The following PPP2R2D variants were observed in gnomAD, a reference collection of about 807,000 sequenced individuals.
PPP2R2D encodes the protein serine/threonine-protein phosphatase 2A 55 kDa regulatory subunit B delta isoform.
Under a neutral mutation model 31.1 loss-of-function variants are expected in PPP2R2D, and 9 were observed. The observed-to-expected ratio is 0.29, with a 90% confidence interval of 0.17 to 0.51. PPP2R2D has a LOEUF of 0.51. PPP2R2D is among the 20% of genes least tolerant of loss of function. The pLI, the probability that PPP2R2D is intolerant of heterozygous loss-of-function variation, is 0.98. For missense variants in PPP2R2D, 391 were observed against 465.6 expected (o/e 0.84, Z 1.48); for synonymous variants, 179 against 172.6 (o/e 1.04, Z -0.29).
At chr10:131,927,286 C>T (rs376277632) in intron 2 of PPP2R2D, among the ~76,000 whole-genome samples, 10 of 152,078 alleles carry the variant, frequency 6.6e-5, no homozygotes, top group East Asian at 3.9e-4. Flanking sequence ...ACTCTCCCCC[C>T]GGGGAGTGGG....
chr10:131,947,837 TC>T lies in PPP2R2D; in HGVS notation c.1082+48del, dbSNP rs781895222. The T allele has an allele frequency of 1.3e-6, 2 of 1,596,526 alleles. No homozygotes were observed. The highest frequency in any genetic ancestry group is 1.7e-6 in the Non-Finnish European group (2 of 1,167,844). On this transcript the variant is annotated intron_variant, in intron 8 of 8. Transcript: ENST00000455566. The surrounding 1 kb of genome is among the most constrained non-coding windows in gnomAD (Gnocchi z 4.3). ...AGCTGTCGCCCCAAGCTTGCTGGTT[TC>T]CGAGAGTGCAAGGTCAGTGAGGGAG...
intron 8 of PPP2R2D, among the ~76,000 whole-genome samples, chr10:131,948,631 G>A (rs1180632984): frequency 2.0e-5 from 3 of 152,244 alleles, no homozygotes; most frequent in African/African-American, 2.4e-5. Context: ...CTCTGAAGGC[G>A]TCTATTCCGA....
chr10:131,927,680 G>A (rs931270358), intron 2 of PPP2R2D, among the ~76,000 whole-genome samples: 13 of 152,124 alleles, frequency 8.5e-5, no homozygotes, highest in Non-Finnish European at 1.6e-4. Flanking sequence ...AGCTGGCATC[G>A]CACATCGGAC....
chr10:131,964,035 G>T (rs1206184475), downstream of PPP2R2D, among the ~76,000 whole-genome samples: 4 of 152,220 alleles, frequency 2.6e-5, no homozygotes, highest in African/African-American at 9.6e-5. Context: ...CACTTGGGAA[G>T]TGTGGGCAGG....
chr10:131,971,258 C>T, the PPP2R2D span: 2 of 430,016 alleles, frequency 4.7e-6, no homozygotes, highest in Admixed American at 3.8e-5. Context: ...TCTGGGGGTA[C>T]TGACAGCGGC....
intron 2 of PPP2R2D, among the ~76,000 whole-genome samples, chr10:131,903,712 A>T (rs2035538423): frequency 6.6e-6 from 1 of 152,158 alleles, no homozygotes; most frequent in Non-Finnish European, 1.5e-5. Flanking sequence ...GGCCATAGTA[A>T]CCCATCCAGA....
chr10:131,913,383 T>C (rs2035715965), intron 2 of PPP2R2D, among the ~76,000 whole-genome samples: 1 of 152,028 alleles, frequency 6.6e-6, no homozygotes. Flanking sequence ...TTTTAAAAAT[T>C]GTTGACCTTG....
At chr10:131,949,563 A>G (rs555806312) in intron 8 of PPP2R2D, among the ~76,000 whole-genome samples, 75 of 152,322 alleles carry the variant, frequency 4.9e-4, no homozygotes, top group African/African-American at 1.8e-3. Context: ...AGCAGAACTG[A>G]ACCTCCGAGA....
Position 131,957,457 on chromosome 10 carries a change from T to C in PPP2R2D, c.*1494T>C. ...CCATCCCCCTGTCTAGATGAAGGTG[T>C]GTGCTGATTCCTCATGCCCCTGTCT... On this transcript the variant is annotated 3_prime_UTR_variant, in exon 9 of 9. Coordinates refer to ENST00000455566, the MANE Select transcript of PPP2R2D (RefSeq NM_018461.5). 5.8e-6 allele frequency: 1 copy of C among 173,520 alleles called. No individual in the cohort carries two copies. The highest frequency in any genetic ancestry group is 1.2e-5 in the Non-Finnish European group (1 of 84,534). 10.7% of individuals were successfully genotyped at this position (173,520 alleles called of 1,614,324 possible). A position where few individuals can be genotyped will look rare whatever the true frequency, so the allele number is the denominator to read the frequency against.
chr10:131,971,250 T>G, the PPP2R2D span: 3,580 of 444,458 alleles, frequency 8.1e-3, 120 homozygotes, highest in African/African-American at 0.066. Context: ...TGTGAGATTC[T>G]GGGGGTACTG....
intron 2 of PPP2R2D, among the ~76,000 whole-genome samples, chr10:131,923,802 A>C (rs556965389): frequency 1.3e-5 from 2 of 152,040 alleles, no homozygotes; most frequent in Non-Finnish European, 1.5e-5. Context: ...TTGCTCTGTC[A>C]CCCAGGCTAG....
Position 131,920,665 on chromosome 10 carries a change from C to T in PPP2R2D, c.101-13793C>T, listed in dbSNP as rs545633680. On this transcript the variant is annotated intron_variant, in intron 2 of 8. Transcript: ENST00000455566. ...AATTATTGCTGGGCACAGTATCTCA[C>T]GCCTGTAATCCCAGCACTTTGGGAG... 1.3e-4 allele frequency among the ~76,000 whole-genome samples: 20 copies of T among 152,244 alleles called. No homozygotes were observed. The South Asian group carries it at 2.9e-3, about 22-fold the overall frequency.
Position 131,947,455 on chromosome 10 carries a change from TC to T in PPP2R2D, c.821-73del. On this transcript the variant is annotated intron_variant, in intron 7 of 8. Coordinates refer to ENST00000455566, the MANE Select transcript of PPP2R2D (RefSeq NM_018461.5). This position sits in a 1 kb window ranked among gnomAD's most constrained non-coding sequence, Gnocchi z 4.3. ...CCAGAGTCTCTCTGAAGGGGCCACT[TC>T]CTACTTGAACTTGAAAATGATTTGT... 1 of 1,502,186 alleles carries T rather than the reference TC, an allele frequency of 6.7e-7. No homozygotes were observed. 93.1% of individuals were successfully genotyped at this position (1,502,186 alleles called of 1,614,324 possible).
chr10:131,959,769 G>A lies in PPP2R2D; in HGVS notation c.*3806G>A, dbSNP rs2036897742. The A allele has an allele frequency of 6.6e-6, 1 of 152,096 alleles. No homozygotes were observed. The highest frequency in any genetic ancestry group is 2.4e-5 in the African/African-American group (1 of 41,384). The allele number at this position is 152,096 out of a possible 1,614,324, so 9.4% of individuals were successfully genotyped here. A position where few individuals can be genotyped will look rare whatever the true frequency, so the allele number is the denominator to read the frequency against. ...TCCTTAAGACAGTTCTAGTAAAATG[G>A]GATTGTATATATTTGTTCAACTATT... On this transcript the variant is annotated 3_prime_UTR_variant, in exon 9 of 9. Coordinates refer to ENST00000455566, the MANE Select transcript of PPP2R2D (RefSeq NM_018461.5).
the PPP2R2D span, chr10:131,969,677 C>G: frequency 2.0e-5 from 3 of 152,544 alleles, no homozygotes; most frequent in Admixed American, 6.5e-5. Context: ...CAGTGGCATT[C>G]CGGTCTTTCC....
At chr10:131,918,963 G>A (rs1589931703) in intron 2 of PPP2R2D, among the ~76,000 whole-genome samples, 1 of 141,454 alleles carries the variant, frequency 7.1e-6, no homozygotes, top group East Asian at 2.5e-4. Flanking sequence ...GGGACCTCAG[G>A]CGGGTGGAAT....
chr10:131,942,834 T>C (rs2036464812), intron 5 of PPP2R2D, among the ~76,000 whole-genome samples: 1 of 152,348 alleles, frequency 6.6e-6, no homozygotes, highest in South Asian at 2.1e-4. Flanking sequence ...TAGGTGTGTG[T>C]TTTTAAGCCT....
rs2036783871 is a variant in PPP2R2D at position 131,955,793 on chromosome 10, C to G, written c.1192C>G (p.Leu398Val). ...AGAGAGCAGCAAACCGCGCGCCAGCCTCAAACCCCGGAAGGTGTGTACGGG... is the reference window on the plus strand; with the variant it reads ...AGAGAGCAGCAAACCGCGCGCCAGCGTCAAACCCCGGAAGGTGTGTACGGG... ...SRESSKPRAS[L>V]KPRKVCTGGK... Residue 398 changes from leucine (L) to valine (V), a missense_variant, in exon 9 of 9, where the codon CTC becomes GTC. Transcript: ENST00000455566. 2 of 1,599,122 alleles carry G rather than the reference C, an allele frequency of 1.3e-6. No homozygotes were observed. The highest frequency in any genetic ancestry group is 2.3e-5 in the East Asian group (1 of 43,880).
At chr10:131,913,147 C>T (rs1589924146) in intron 2 of PPP2R2D, among the ~76,000 whole-genome samples, 3 of 151,682 alleles carry the variant, frequency 2.0e-5, no homozygotes, top group Admixed American at 6.6e-5. Context: ...CTCAGCCTCC[C>T]GAGGTGTGAT....
Sources: allele counts gnomAD v4.1 joint callset (sites outside exome capture counted in the v4.1 genomes callset), GRCh38; gene constraint gnomAD v4.1.1; non-coding constraint Gnocchi (gnomAD v3.1); transcripts MANE v1.5; gene names NCBI Gene and HGNC (gene_info 2026-07-23, HGNC 2026-07-21).